TLN2: variants seen among roughly 807,000 people sequenced by gnomAD.
The protein encoded by TLN2 is talin 2.
TLN2 carries 118 observed loss-of-function variants against 294.7 expected under a neutral mutation model. The ratio of observed to expected loss-of-function variants is 0.40; its 90% CI spans 0.34 to 0.47. The LOEUF is 0.47. TLN2 is among the 20% of genes least tolerant of loss of function. The pLI is 0.84. For synonymous variants in TLN2, 1,431 were observed against 1,304.5 expected, an observed-to-expected ratio of 1.10 and a Z score of -2.09; for missense variants, 3,083 against 3,282.2, an observed-to-expected ratio of 0.94 and a Z score of 1.48.
rs770180772 is a variant in TLN2, at chr15:62,702,878, A to G, written c.2004+14A>G. ...GAGCGATTCCAGGTAAGATATTTGC[A>G]GGCTTATAGTCATGGAAAGAAGTCT... On this transcript the variant is annotated intron_variant, in intron 19 of 58. Transcript: ENST00000636159. 6.2e-7 allele frequency: 1 copy of G among 1,611,588 alleles called. No homozygotes were observed. The highest frequency in any genetic ancestry group is 8.5e-7 in the Non-Finnish European group (1 of 1,177,734).
chr15:62,633,642 A>G lies in TLN2; in HGVS notation c.-36-13633A>G, dbSNP rs527415289. Among the ~76,000 whole-genome samples, 6 of 152,316 alleles carry G rather than the reference A, an allele frequency of 3.9e-5. No homozygotes were observed. The South Asian group carries it at 1.2e-3, about 32-fold the overall frequency. ...ACACACGTTTATAATTATTCTACTG[A>G]TTACCACTTACATTTAACTGTACTA... On this transcript the variant is annotated intron_variant, in intron 3 of 58. Transcript: ENST00000636159.
chr15:62,411,429 A>G lies in TLN2; in HGVS notation c.-238+20744A>G, dbSNP rs920290491. Among the ~76,000 whole-genome samples the G allele has an allele frequency of 1.1e-4, 15 of 136,686 alleles. No individual in the cohort carries two copies. The South Asian group carries it at 1.7e-3, about 16-fold the overall frequency. 89.7% of individuals were successfully genotyped at this position (136,686 alleles called of 152,430 possible). The stretch of plus-strand genomic sequence containing the variant: ...CCTCCTTAGAGAGTGTGAGTAATGG[A>G]TGTGTGTGTGTGTGTGTGTGTGTGT... On this transcript the variant is annotated intron_variant, in intron 1 of 58. Transcript: ENST00000636159.
rs1281154937 is a variant in TLN2, at chr15:62,762,319, G to A, written c.4827G>A (p.Leu1609=). 1 of 1,614,160 alleles carries A rather than the reference G, an allele frequency of 6.2e-7. No individual in the cohort carries two copies. The highest frequency in any genetic ancestry group is 1.7e-5 in the Admixed American group (1 of 60,028). Residue 1609 remains leucine, a synonymous_variant, in exon 39 of 59, where the codon CTG becomes CTA. Coordinates refer to ENST00000636159, the MANE Select transcript of TLN2 (RefSeq NM_015059.3). The part of the protein sequence containing the change: ...EPILVSAKTM[L]ESSSYLIRTA... ...TCCTGGTCTCAGCCAAGACCATGCT[G>A]GAGAGTTCATCGTACCTCATTCGCA...
intron 44 of TLN2, among the ~76,000 whole-genome samples, chr15:62,782,512 C>T (rs2064265527): frequency 6.6e-6 from 1 of 152,212 alleles, no homozygotes; most frequent in South Asian, 2.1e-4. Flanking sequence ...TGGCTTGACC[C>T]TGGGTGTCCA....
At chr15:62,460,510 G>A (rs998318510) in intron 1 of TLN2, among the ~76,000 whole-genome samples, 1 of 152,008 alleles carries the variant, frequency 6.6e-6, no homozygotes, top group Non-Finnish European at 1.5e-5. Flanking sequence ...TGATCCACCC[G>A]CCTCGGCCTC....
At chr15:62,679,720 C>T (rs950807197) in intron 11 of TLN2, among the ~76,000 whole-genome samples, 6 of 152,248 alleles carry the variant, frequency 3.9e-5, no homozygotes, top group East Asian at 1.9e-4. Context: ...ACAGAAAGGT[C>T]GTATGTGCTC....
intron 9 of TLN2, among the ~76,000 whole-genome samples, chr15:62,667,994 TA>T (rs1337754003): frequency 3.3e-5 from 5 of 152,092 alleles, no homozygotes; most frequent in African/African-American, 1.2e-4. Flanking sequence ...TGTGGAACCT[TA>T]AAACATAACA....
At chr15:62,444,736 G>A (rs1340073316) in intron 1 of TLN2, among the ~76,000 whole-genome samples, 1 of 152,218 alleles carries the variant, frequency 6.6e-6, no homozygotes, top group Non-Finnish European at 1.5e-5. Flanking sequence ...AGGCAGCAAG[G>A]CAACTATTGT....
chr15:62,763,073 AC>A (rs1385081852), intron 39 of TLN2, among the ~76,000 whole-genome samples: 3 of 152,214 alleles, frequency 2.0e-5, no homozygotes, highest in African/African-American at 7.2e-5. Flanking sequence ...GAAGCTCAAA[AC>A]CACAGTTAAC....
At chr15:62,413,423 T>A (rs1033344276) in intron 1 of TLN2, among the ~76,000 whole-genome samples, 12 of 152,148 alleles carry the variant, frequency 7.9e-5, no homozygotes, top group African/African-American at 2.9e-4. Flanking sequence ...TTATTGCTAG[T>A]CCATCTGAAG....
intron 41 of TLN2, among the ~76,000 whole-genome samples, chr15:62,768,386 C>T (rs930432982): frequency 2.6e-5 from 4 of 152,176 alleles, no homozygotes; most frequent in Admixed American, 6.5e-5. Context: ...CTTTCGTAAT[C>T]ACATTGTCAC....
chr15:62,547,371 A>C (rs531517249), intron 1 of TLN2, among the ~76,000 whole-genome samples: 306 of 152,292 alleles, frequency 2.0e-3, no homozygotes, highest in East Asian at 4.2e-3. Flanking sequence ...TGTGGCTCGT[A>C]TGTGAACACA....
intron 1 of TLN2, among the ~76,000 whole-genome samples, chr15:62,393,010 T>A (rs916540443): frequency 1.3e-5 from 2 of 152,106 alleles, no homozygotes; most frequent in Non-Finnish European, 2.9e-5. Context: ...TTTTTTTTCA[T>A]TGAGCACTAG....
At chr15:62,437,676 G>A (rs941345880) in intron 1 of TLN2, among the ~76,000 whole-genome samples, 7 of 152,064 alleles carry the variant, frequency 4.6e-5, no homozygotes, top group Non-Finnish European at 7.3e-5. Context: ...CCTTGCCTCA[G>A]GATACTGATG....
intron 7 of TLN2, among the ~76,000 whole-genome samples, chr15:62,653,522 G>A (rs958351007): frequency 1.1e-4 from 16 of 152,114 alleles, no homozygotes; most frequent in Admixed American, 8.5e-4. Context: ...GGTCAGGTTT[G>A]AGACCAGCCT....
At chr15:62,493,972 G>T (rs1037173662) in intron 1 of TLN2, among the ~76,000 whole-genome samples, 6 of 152,178 alleles carry the variant, frequency 3.9e-5, no homozygotes, top group Non-Finnish European at 8.8e-5. Flanking sequence ...CACTGCTGAT[G>T]AAGAGTTTTT....
chr15:62,572,018 T>G (rs539802775), intron 1 of TLN2, among the ~76,000 whole-genome samples: 1 of 152,344 alleles, frequency 6.6e-6, no homozygotes, highest in East Asian at 1.9e-4. Flanking sequence ...TGTGCTGATA[T>G]GGGAGGGTGC....
intron 1 of TLN2, among the ~76,000 whole-genome samples, chr15:62,504,846 T>TGTGAGAGAGA (rs1207922838): frequency 4.2e-5 from 6 of 144,392 alleles, no homozygotes; most frequent in South Asian, 2.2e-4. Flanking sequence ...TGTGTGTGTG[T>TGTGAGAGAGA]GAGAGAGAGA....
At chr15:62,567,979 A>G (rs1335564909) in intron 1 of TLN2, among the ~76,000 whole-genome samples, 2 of 152,158 alleles carry the variant, frequency 1.3e-5, no homozygotes, top group African/African-American at 4.8e-5. Flanking sequence ...TTCCCCCTGT[A>G]ATCTGTACCT....
Sources: gnomAD v4.1 joint callset for allele counts (sites outside exome capture counted in the v4.1 genomes callset) on GRCh38, gnomAD v4.1.1 for gene constraint, MANE v1.5 for transcripts, NCBI Gene and HGNC (gene_info 2026-07-23, HGNC 2026-07-21) for gene names.